Variants in CCDC138 observed in about 807,000 individuals in gnomAD.
CCDC138 encodes the protein coiled-coil domain containing 138, also known as coiled-coil domain-containing protein 138.
CCDC138 carries 66 observed loss-of-function variants against 82.3 expected under a neutral mutation model. The ratio of observed to expected loss-of-function variants is 0.80; its 90% CI spans 0.66 to 0.98. CCDC138 has a LOEUF of 0.98. Among genes scored for constraint, CCDC138 ranks in the 50% least tolerant of loss-of-function variants. The pLI is 0.00. For missense variants in CCDC138, 816 were observed against 758.9 expected (o/e 1.08, Z -0.88); for synonymous variants, 297 against 265.4 (o/e 1.12, Z -1.16).
intron 13 of CCDC138, among the ~76,000 whole-genome samples, chr2:108,870,326 A>C (rs1695035124): frequency 6.6e-6 from 1 of 152,222 alleles, no homozygotes; most frequent in Admixed American, 6.5e-5. Context: ...AACAAAATCA[A>C]AGAAAAAAGA....
At chr2:108,872,926 C>A (rs1198501665) in intron 13 of CCDC138, among the ~76,000 whole-genome samples, 1 of 152,136 alleles carries the variant, frequency 6.6e-6, no homozygotes, top group African/African-American at 2.4e-5. Flanking sequence ...TCCAGAGTCT[C>A]ATCTAAATTA....
At chr2:108,864,686 C>T (rs1202711710) in intron 13 of CCDC138, among the ~76,000 whole-genome samples, 1 of 150,580 alleles carries the variant, frequency 6.6e-6, no homozygotes, top group Non-Finnish European at 1.5e-5. Context: ...CCCAGCTACT[C>T]GGGAGGCTGA....
chr2:108,857,171 C>T lies in CCDC138; in HGVS notation c.1693+201C>T, dbSNP rs544989041. Among the ~76,000 whole-genome samples, 8 of 136,124 alleles carry T rather than the reference C, an allele frequency of 5.9e-5. No individual in the cohort carries two copies. In the East Asian group the frequency reaches 1.7e-3, roughly 30 times the overall value. 89.3% of individuals were successfully genotyped at this position (136,124 alleles called of 152,430 possible). A position where few individuals can be genotyped will look rare whatever the true frequency, so the allele number is the denominator to read the frequency against. Reference sequence around the variant, plus strand: ...TCAGCTCACTGCAACCTCTGACTCCCTGGTTCAAGCAATTCTCCTGCCTCA... The same window carrying T: ...TCAGCTCACTGCAACCTCTGACTCCTTGGTTCAAGCAATTCTCCTGCCTCA... On this transcript the variant is annotated intron_variant, in intron 13 of 14. Coordinates refer to ENST00000295124, the MANE Select transcript of CCDC138 (RefSeq NM_144978.3).
chr2:108,793,327 C>T lies in CCDC138; in HGVS notation c.395-1213C>T, dbSNP rs558928635. The stretch of plus-strand genomic sequence containing the variant: ...CAGCCTGGGCGACAGAGTGAGACTC[C>T]GTCTCAAAAAACAAAACAAAACAAC... On this transcript the variant is annotated intron_variant, in intron 4 of 14. Coordinates refer to ENST00000295124, the MANE Select transcript of CCDC138 (RefSeq NM_144978.3). Among the ~76,000 whole-genome samples the T allele has an allele frequency of 4.2e-3, 631 of 151,906 alleles. 3 individuals carry two copies. The highest frequency in any genetic ancestry group is 6.1e-3 in the Non-Finnish European group (415 of 67,948).
chr2:108,834,411 C>A (rs1467429176), intron 10 of CCDC138, among the ~76,000 whole-genome samples: 1 of 151,798 alleles, frequency 6.6e-6, no homozygotes, highest in African/African-American at 2.4e-5. Flanking sequence ...ATGGGGGTTT[C>A]ACCATGTTGG....
At chr2:108,802,320 A>G (rs1682059654) in intron 6 of CCDC138, among the ~76,000 whole-genome samples, 1 of 108,952 alleles carries the variant, frequency 9.2e-6, no homozygotes. Flanking sequence ...AGTGGTTTGT[A>G]GTTCTCCTTG....
rs1033227202 is a variant in CCDC138 at position 108,874,704 on chromosome 2, G to A, written c.1832+1115G>A. Among the ~76,000 whole-genome samples, 4 of 152,072 alleles carry A rather than the reference G, an allele frequency of 2.6e-5. No individual in the cohort carries two copies. In the East Asian group the frequency reaches 5.8e-4, roughly 22 times the overall value. On this transcript the variant is annotated intron_variant, in intron 14 of 14. Transcript: ENST00000295124. ...TTGGTAACATGCCTAGTAGAGGATTGTAATAAATTATTGTCAAATTATAAC... is the reference window on the plus strand; with the variant it reads ...TTGGTAACATGCCTAGTAGAGGATTATAATAAATTATTGTCAAATTATAAC...
intron 7 of CCDC138, among the ~76,000 whole-genome samples, chr2:108,805,464 G>A (rs1048089655): frequency 2.0e-5 from 3 of 152,044 alleles, no homozygotes; most frequent in South Asian, 2.1e-4. Flanking sequence ...GGTGGCTCAC[G>A]CCTGTAATCC....
chr2:108,873,367 C>A, intron 13 of CCDC138, 84 bp from the exon 14 acceptor site: 1 of 1,171,788 alleles, frequency 8.5e-7, no homozygotes. Flanking sequence ...TTATAAATGC[C>A]TCACATAGTT....
Position 108,788,996 on chromosome 2 carries a change from A to C in CCDC138, c.266+30A>C, listed in dbSNP as rs756473948. The stretch of plus-strand genomic sequence containing the variant: ...AGTACCCTGAAACTTTACTGTTGCT[A>C]CCCCCTCAGTATCTCAAAAAACTGA... On this transcript the variant is annotated intron_variant, in intron 3 of 14. Coordinates refer to ENST00000295124, the MANE Select transcript of CCDC138 (RefSeq NM_144978.3). 4 of 1,611,874 alleles carry C rather than the reference A, an allele frequency of 2.5e-6. No individual in the cohort carries two copies. The African/African-American group carries it at 4.0e-5, about 16-fold the overall frequency.
intron 9 of CCDC138, among the ~76,000 whole-genome samples, chr2:108,814,402 A>C (rs1684395147): frequency 6.6e-6 from 1 of 152,136 alleles, no homozygotes; most frequent in African/African-American, 2.4e-5. Flanking sequence ...AATTGGAGTA[A>C]ATTGAAAAGG....
chr2:108,807,970 C>G (rs1683148944), intron 7 of CCDC138, among the ~76,000 whole-genome samples: 1 of 152,210 alleles, frequency 6.6e-6, no homozygotes, highest in Non-Finnish European at 1.5e-5. Context: ...TTCCTTTCCA[C>G]AGCCATCCCA....
intron 6 of CCDC138, 33 bp downstream of exon 6, chr2:108,798,619 TATTTCTTC>T (rs1342029513): frequency 2.0e-6 from 3 of 1,498,046 alleles, no homozygotes; most frequent in Non-Finnish European, 2.7e-6. Flanking sequence ...TAGAGTGGTA[TATTTCTTC>T]TTTTCTTCTT....
chr2:108,789,119 G>T (rs539701071), intron 3 of CCDC138, among the ~76,000 whole-genome samples, 153 bp downstream of exon 3: 1 of 152,300 alleles, frequency 6.6e-6, no homozygotes. Flanking sequence ...GTTGAAGCGA[G>T]TCACTTATTA....
At chr2:108,812,955 T>C in intron 9 of CCDC138, 28 bp downstream of exon 9, 1 of 1,607,140 alleles carries the variant, frequency 6.2e-7, no homozygotes, top group South Asian at 1.1e-5. Context: ...TTTGATATGA[T>C]TGAAAATTTC....
At chr2:108,800,992 ATATATG>A (rs1558981653) in intron 6 of CCDC138, among the ~76,000 whole-genome samples, 27 of 39,902 alleles carry the variant, frequency 6.8e-4, no homozygotes, top group African/African-American at 1.9e-3. Context: ...ATTCCATGGT[ATATATG>A]TGCCACATTT....
In CCDC138 at chr2:108,860,047, T is replaced by TTG. The variant is rs1693300242; in HGVS notation, c.1693+3088_1693+3089dup. On this transcript the variant is annotated intron_variant, in intron 13 of 14. Transcript: ENST00000295124. Reference sequence around the variant, plus strand: ...CTGGTTAGATGTATTCCTAAGTATCTTGTGTGTGTGTGGCTGTTGTAAATA... The same window carrying TTG: ...CTGGTTAGATGTATTCCTAAGTATCTTGTGTGTGTGTGTGGCTGTTGTAAATA... 2.0e-5 allele frequency among the ~76,000 whole-genome samples: 3 copies of TTG among 152,114 alleles called. No individual in the cohort carries two copies. In the South Asian group the frequency reaches 6.2e-4, roughly 32 times the overall value.
chr2:108,813,709 A>G (rs1255212376), intron 9 of CCDC138, among the ~76,000 whole-genome samples: 2 of 152,226 alleles, frequency 1.3e-5, no homozygotes, highest in Non-Finnish European at 2.9e-5. Flanking sequence ...CATGTTGTCT[A>G]TAACCAAATA....
intron 10 of CCDC138, among the ~76,000 whole-genome samples, chr2:108,837,011 A>C (rs937801427): frequency 6.6e-6 from 1 of 151,776 alleles, no homozygotes; most frequent in Non-Finnish European, 1.5e-5. Context: ...GAGAAGAGAG[A>C]TGATTTTACT....
Sources: gnomAD v4.1 joint callset for allele counts (sites outside exome capture counted in the v4.1 genomes callset) on GRCh38, gnomAD v4.1.1 for gene constraint, MANE v1.5 for transcripts, NCBI Gene and HGNC (gene_info 2026-07-23, HGNC 2026-07-21) for gene names.